Variants in AGBL4 observed in about 807,000 individuals in gnomAD.
AGBL4 encodes cytosolic carboxypeptidase 6.
AGBL4 carries 58 observed loss-of-function variants against 66.4 expected under a neutral mutation model. The observed-to-expected ratio is 0.87, with a 90% CI of 0.71 to 1.09. The LOEUF is 1.09. Ranked by LOEUF, AGBL4 falls within the 50% of genes least tolerant of loss-of-function variation. AGBL4 has a pLI of 0.00. For missense variants in AGBL4, 579 were observed against 631.0 expected (o/e 0.92, Z 0.88); for synonymous variants, 234 against 222.9 (o/e 1.05, Z -0.44).
intron 12 of AGBL4, among the ~76,000 whole-genome samples, chr1:48,535,329 A>G (rs1278955009): frequency 2.0e-5 from 3 of 152,094 alleles, no homozygotes; most frequent in Non-Finnish European, 2.9e-5. Flanking sequence ...TTTGGAAGAC[A>G]AACTCCCACA....
At chr1:49,160,808 G>C (rs547832475) in intron 4 of AGBL4, among the ~76,000 whole-genome samples, 1 of 152,284 alleles carries the variant, frequency 6.6e-6, no homozygotes, top group South Asian at 2.1e-4. Context: ...CCTGTGGTGG[G>C]CTCCAACCAA....
intron 2 of AGBL4, among the ~76,000 whole-genome samples, chr1:49,719,878 G>C (rs1648461460): frequency 6.6e-6 from 1 of 151,928 alleles, no homozygotes; most frequent in Non-Finnish European, 1.5e-5. Context: ...ATTTCTCCTT[G>C]CTGCTGCCAT....
rs774750310 is a variant in AGBL4 at position 49,004,911 on chromosome 1, C to T, written c.594+40673G>A. On this transcript the variant is annotated intron_variant, in intron 5 of 13. Transcript: ENST00000371839. ...GGATGGAGTATAGCATGCCTGGTGA[C>T]GTTAGAGGGAAATAAGACTGGAACG... Among the ~76,000 whole-genome samples the T allele has an allele frequency of 5.3e-5, 8 of 152,054 alleles. No individual in the cohort carries two copies. In the South Asian group the frequency reaches 8.3e-4, roughly 16 times the overall value.
At chr1:49,313,355 A>G (rs1474612098) in intron 3 of AGBL4, among the ~76,000 whole-genome samples, 1 of 152,078 alleles carries the variant, frequency 6.6e-6, no homozygotes, top group East Asian at 1.9e-4. Context: ...GTGTCTTTAG[A>G]GTAGAATGAT....
intron 6 of AGBL4, among the ~76,000 whole-genome samples, chr1:48,753,750 C>T (rs566838836): frequency 7.2e-5 from 11 of 152,312 alleles, no homozygotes; most frequent in Admixed American, 1.3e-4. Context: ...ATAAGACTAT[C>T]GGAATTGTCC....
At chr1:48,679,098 G>A (rs1646413783) in intron 6 of AGBL4, among the ~76,000 whole-genome samples, 1 of 152,216 alleles carries the variant, frequency 6.6e-6, no homozygotes, top group African/African-American at 2.4e-5. Context: ...GGGGTACTGG[G>A]GAGCCCAGAG....
chr1:48,756,119 G>A (rs1186782297), intron 6 of AGBL4, among the ~76,000 whole-genome samples: 1 of 152,190 alleles, frequency 6.6e-6, no homozygotes, highest in African/African-American at 2.4e-5. Flanking sequence ...TCACAAGGCT[G>A]TAATATTATC....
chr1:49,919,947 T>A (rs1325977625), intron 1 of AGBL4, among the ~76,000 whole-genome samples: 1 of 151,766 alleles, frequency 6.6e-6, no homozygotes, highest in South Asian at 2.1e-4. Flanking sequence ...CATCTACAAC[T>A]ATCTGATCTT....
chr1:48,729,648 C>T (rs981591967), intron 6 of AGBL4, among the ~76,000 whole-genome samples: 1 of 152,114 alleles, frequency 6.6e-6, no homozygotes, highest in African/African-American at 2.4e-5. Flanking sequence ...GAATCCACTG[C>T]TACCTGCCCA....
At chr1:49,064,167 A>AT (rs1400367119) in intron 4 of AGBL4, among the ~76,000 whole-genome samples, 1 of 152,232 alleles carries the variant, frequency 6.6e-6, no homozygotes, top group Non-Finnish European at 1.5e-5. Context: ...AGCTGTCAGT[A>AT]TTGTCCACTT....
chr1:49,573,146 CTGTG>C (rs57980631), intron 3 of AGBL4, among the ~76,000 whole-genome samples: 26,205 of 136,478 alleles, frequency 0.19, 2,369 homozygotes, highest in East Asian at 0.34. Flanking sequence ...GTGTGTGTGT[CTGTG>C]TGTGTGTGTG....
intron 6 of AGBL4, among the ~76,000 whole-genome samples, chr1:48,825,979 C>G (rs946399400): frequency 2.0e-5 from 3 of 152,168 alleles, no homozygotes; most frequent in African/African-American, 4.8e-5. Flanking sequence ...CTCTGCTTGT[C>G]TAGGACCTTC....
intron 5 of AGBL4, among the ~76,000 whole-genome samples, chr1:49,030,581 C>A (rs112020399): frequency 6.6e-6 from 1 of 151,900 alleles, no homozygotes; most frequent in Non-Finnish European, 1.5e-5. Flanking sequence ...CAAAGGAGTG[C>A]GAACCCTATT....
intron 5 of AGBL4, among the ~76,000 whole-genome samples, chr1:49,027,324 C>A (rs911944869): frequency 5.9e-5 from 9 of 151,918 alleles, no homozygotes; most frequent in African/African-American, 2.2e-4. Flanking sequence ...TGACACACAG[C>A]TAATTTTTTT....
chr1:48,818,846 G>GT (rs1455948577), intron 6 of AGBL4, among the ~76,000 whole-genome samples: 1 of 152,088 alleles, frequency 6.6e-6, no homozygotes, highest in Non-Finnish European at 1.5e-5. Flanking sequence ...TTTTTCATGT[G>GT]TTTTTCTTGA....
At chr1:48,965,910 C>A (rs999291290) in intron 5 of AGBL4, among the ~76,000 whole-genome samples, 3 of 152,050 alleles carry the variant, frequency 2.0e-5, no homozygotes, top group African/African-American at 7.2e-5. Context: ...TTGGCTCATT[C>A]CATTGTATTA....
At chr1:49,399,039 A>C (rs1384737625) in intron 3 of AGBL4, among the ~76,000 whole-genome samples, 1 of 151,954 alleles carries the variant, frequency 6.6e-6, no homozygotes. Context: ...TACTCTCTAC[A>C]TCCATGAGTT....
At chr1:49,465,972 A>G (rs984942969) in intron 3 of AGBL4, among the ~76,000 whole-genome samples, 8 of 151,820 alleles carry the variant, frequency 5.3e-5, no homozygotes, top group Non-Finnish European at 1.2e-4. Flanking sequence ...ATGATTCCCA[A>G]TGACTCATTT....
intron 3 of AGBL4, among the ~76,000 whole-genome samples, chr1:49,303,707 C>T (rs1292969465): frequency 6.6e-6 from 1 of 151,998 alleles, no homozygotes; most frequent in African/African-American, 2.4e-5. Flanking sequence ...AACTCCTGGC[C>T]TCAAGTGATC....
Sources: gnomAD v4.1 joint callset for allele counts (sites outside exome capture counted in the v4.1 genomes callset) on GRCh38, gnomAD v4.1.1 for gene constraint, MANE v1.5 for transcripts, NCBI Gene and HGNC (gene_info 2026-07-23, HGNC 2026-07-21) for gene names.